The following ABHD12B variants were observed in gnomAD, a reference collection of about 807,000 sequenced individuals.
The protein encoded by ABHD12B is abhydrolase domain containing 12B, also known as protein ABHD12B.
ABHD12B carries 42 observed loss-of-function variants against 50.4 expected under a neutral mutation model. The ratio of observed to expected loss-of-function variants is 0.83; its 90% CI spans 0.65 to 1.08. The LOEUF (loss-of-function observed/expected upper bound fraction) is 1.08, where lower values mean the gene tolerates loss of function less well. Ranked by LOEUF, ABHD12B falls within the 50% of genes least tolerant of loss-of-function variation. The pLI is 0.00. For missense variants in ABHD12B, 479 were observed against 447.7 expected (o/e 1.07, Z -0.63); for synonymous variants, 167 against 160.3 (o/e 1.04, Z -0.32).
intron 8 of ABHD12B, among the ~76,000 whole-genome samples, chr14:50,888,356 A>C (rs2050070348): frequency 6.6e-6 from 1 of 151,970 alleles, no homozygotes; most frequent in Admixed American, 6.6e-5. Flanking sequence ...GGCGTGCACC[A>C]CCATGCCTGG....
rs766106138 is a variant in ABHD12B, at chr14:50,904,187, C to A, written c.1056C>A (p.Thr352=). The A allele has an allele frequency of 1.9e-6, 3 of 1,613,802 alleles. No individual in the cohort carries two copies. Among genetic ancestry groups the A allele is most frequent in the East Asian group, 4.5e-5 (2 of 44,890 alleles). Residue 352 remains threonine, a synonymous_variant, in exon 12 of 13, where the codon ACC becomes ACA. Coordinates refer to ENST00000337334, the MANE Select transcript of ABHD12B (RefSeq NM_001206673.2). ...GTAAAAGCCCCACACTGTTAATAAC[C>A]GTGAGGTAAGAGTTGCTTTGCTAAA... ...LLCKSPTLLI[T]VRDFLSKQWS is the part of the protein sequence containing the mutation.
chr14:50,897,524 G>A (rs1199427005), intron 9 of ABHD12B, among the ~76,000 whole-genome samples: 1 of 152,174 alleles, frequency 6.6e-6, no homozygotes, highest in Non-Finnish European at 1.5e-5. Flanking sequence ...CATGGTATAG[G>A]TTTTTCTATC....
chr14:50,878,000 G>A lies in ABHD12B; in HGVS notation c.153G>A (p.Leu51=). 1 of 1,535,266 alleles carries A rather than the reference G, an allele frequency of 6.5e-7. No individual in the cohort carries two copies. Among genetic ancestry groups the A allele is most frequent in the East Asian group, 2.4e-5 (1 of 40,904 alleles). The change falls in exon 2 of 13, where the codon CTG becomes CTA. Residue 51 remains leucine, a synonymous_variant. Coordinates refer to ENST00000337334, the MANE Select transcript of ABHD12B (RefSeq NM_001206673.2). The part of the protein sequence containing the change: ...CSMLGRKIAA[L]YDSFTSKSLK... The stretch of plus-strand genomic sequence containing the variant: ...TGCTCGGAAGAAAAATTGCTGCTCT[G>A]TATGACAGCTTTACTAGTAAATCCT...
At chr14:50,887,784 A>G (rs2050062734) in intron 8 of ABHD12B, among the ~76,000 whole-genome samples, 1 of 152,188 alleles carries the variant, frequency 6.6e-6, no homozygotes, top group Admixed American at 6.5e-5. Flanking sequence ...TCTAGTTCAC[A>G]TTACTCCTAG....
Position 50,880,485 on chromosome 14 carries a change from C to G in ABHD12B, c.369C>G (p.Ala123=). The G allele has an allele frequency of 1.2e-6, 2 of 1,610,476 alleles. No individual in the cohort carries two copies. The highest frequency in any genetic ancestry group is 1.7e-6 in the Non-Finnish European group (2 of 1,178,368). Residue 123 remains alanine (A), a synonymous_variant, in exon 4 of 13, where the codon GCC becomes GCG. Coordinates refer to ENST00000337334, the MANE Select transcript of ABHD12B (RefSeq NM_001206673.2). ...HTVPSCRGED[A]KGKDCCWYEA... ...TCCCCAGCTGCCGGGGGGAAGATGCCAAGGGGAAGGACTGTTGCTGGTATG... is the reference window on the plus strand; with the variant it reads ...TCCCCAGCTGCCGGGGGGAAGATGCGAAGGGGAAGGACTGTTGCTGGTATG...
rs143764492 is a variant in ABHD12B, at chr14:50,880,523, G to C, written c.407G>C (p.Arg136Pro). The change falls in exon 4 of 13, where the codon CGT becomes CCT. Residue 136 changes from arginine to proline, a missense_variant. Coordinates refer to ENST00000337334, the MANE Select transcript of ABHD12B (RefSeq NM_001206673.2). ...KDCCWYEAAL[R>P]DGNPIIVYLH... is the part of the protein sequence containing the mutation. ...TGTTGCTGGTATGAAGCAGCCCTTC[G>C]TGATGGGAACCCAATTATTGTTTAT... 23 of 1,608,464 alleles carry C rather than the reference G, an allele frequency of 1.4e-5. No individual in the cohort carries two copies. The African/African-American group carries it at 2.0e-4, about 14-fold the overall frequency.
At chr14:50,882,943 C>T (rs1350187034) in intron 5 of ABHD12B, among the ~76,000 whole-genome samples, 1 of 133,634 alleles carries the variant, frequency 7.5e-6, no homozygotes, top group African/African-American at 2.8e-5. Context: ...CACACTGCAG[C>T]CTGAATGACA....
In ABHD12B at chr14:50,878,074, A is replaced by G; in HGVS notation, c.227A>G (p.Asn76Ser). Residue 76 changes from asparagine to serine, a missense_variant, in exon 2 of 13, where the codon AAT becomes AGT. Transcript: ENST00000337334. ...LPLIDMLIYF[N>S]FFKAPFLVDL... ...CTGATAGACATGCTAATTTATTTTA[A>G]TTTTTGTAAGTATGGACCTTCCATA... is the stretch of plus-strand genomic sequence containing the variant. The G allele has an allele frequency of 6.6e-7, 1 of 1,526,434 alleles. No homozygotes were observed. The highest frequency in any genetic ancestry group is 8.7e-7 in the Non-Finnish European group (1 of 1,143,538). 94.6% of individuals were successfully genotyped at this position (1,526,434 alleles called of 1,614,324 possible). A position where few individuals can be genotyped will look rare whatever the true frequency, so the allele number is the denominator to read the frequency against.
chr14:50,903,227 G>A (rs968569365), intron 10 of ABHD12B, among the ~76,000 whole-genome samples, 162 bp from the exon 11 acceptor site: 2 of 152,008 alleles, frequency 1.3e-5, no homozygotes, highest in Non-Finnish European at 2.9e-5. Context: ...AAGCTACTAT[G>A]TGAAATTTTT....
intron 9 of ABHD12B, among the ~76,000 whole-genome samples, chr14:50,901,414 A>G (rs903411306): frequency 2.6e-5 from 4 of 152,232 alleles, no homozygotes; most frequent in African/African-American, 9.6e-5. Context: ...AATTCTCTAA[A>G]ATCAATTTTC....
intron 4 of ABHD12B, 109 bp downstream of exon 4, chr14:50,880,680 C>T (rs1477154676): frequency 4.9e-6 from 6 of 1,226,318 alleles, no homozygotes; most frequent in Admixed American, 3.0e-5. Flanking sequence ...CATGCCTTCA[C>T]ATATTTCTTC....
intron 5 of ABHD12B, 138 bp downstream of exon 5, chr14:50,881,764 C>A: frequency 1.0e-6 from 1 of 953,132 alleles, no homozygotes; most frequent in African/African-American, 1.7e-5. Context: ...GTGTCTGGGG[C>A]TCAAAGTCCC....
intron 8 of ABHD12B, among the ~76,000 whole-genome samples, chr14:50,887,211 C>CAAAAAAAAAAAAAAAAAAAAAAAAAAAAA (rs59924695): frequency 2.3e-5 from 1 of 43,630 alleles, no homozygotes; most frequent in Non-Finnish European, 3.7e-5. Flanking sequence ...GAGTCTGTCT[C>CAAAAAAAAAAAAAAAAAAAAAAAAAAAAA]AAAAAAAAAA....
At chr14:50,900,611 G>C (rs938395206) in intron 9 of ABHD12B, among the ~76,000 whole-genome samples, 2 of 152,206 alleles carry the variant, frequency 1.3e-5, no homozygotes, top group Non-Finnish European at 2.9e-5. Flanking sequence ...AAACAGCTCC[G>C]AAGAAATAGC....
intron 4 of ABHD12B, 88 bp from the exon 5 acceptor site, chr14:50,881,508 C>G: frequency 6.3e-6 from 9 of 1,434,700 alleles, no homozygotes; most frequent in Non-Finnish European, 8.6e-6. Context: ...AGATCAGATA[C>G]CAGCAGCACG....
chr14:50,891,922 A>G (rs2050125170), intron 9 of ABHD12B: 1 of 152,162 alleles, frequency 6.6e-6, no homozygotes. Context: ...TCTTTTAATT[A>G]CTATAGCTTT....
intron 7 of ABHD12B, 130 bp downstream of exon 7, chr14:50,886,025 A>G: frequency 7.6e-7 from 1 of 1,323,828 alleles, no homozygotes; most frequent in Middle Eastern, 2.7e-4. Flanking sequence ...ATTTTCACAC[A>G]CTAGAAGTGG....
Position 50,878,070 on chromosome 14 carries a change from T to G in ABHD12B, c.223T>G (p.Phe75Val). ...FLPLIDMLIY[F>V]NFFKAPFLVD... ...TCCTCTGATAGACATGCTAATTTAT[T>G]TTAATTTTTGTAAGTATGGACCTTC... Residue 75 changes from phenylalanine to valine, a missense_variant, in exon 2 of 13, where the codon TTT becomes GTT. Transcript: ENST00000337334. 6.5e-7 allele frequency: 1 copy of G among 1,527,028 alleles called. No homozygotes were observed. Among genetic ancestry groups the G allele is most frequent in the South Asian group, 1.2e-5 (1 of 81,852 alleles). 94.6% of individuals were successfully genotyped at this position (1,527,028 alleles called of 1,614,324 possible).
At chr14:50,890,208 G>C (rs913352269) in intron 9 of ABHD12B, among the ~76,000 whole-genome samples, 1 of 152,042 alleles carries the variant, frequency 6.6e-6, no homozygotes, top group East Asian at 1.9e-4. Context: ...TAAATTGTAG[G>C]TATGTAACAT....
Sources: allele counts gnomAD v4.1 joint callset (sites outside exome capture counted in the v4.1 genomes callset), GRCh38; gene constraint gnomAD v4.1.1; transcripts MANE v1.5; gene names NCBI Gene and HGNC (gene_info 2026-07-23, HGNC 2026-07-21).